The following ZNF44 variants were observed in gnomAD, a reference collection of about 807,000 sequenced individuals.
ZNF44 encodes the protein zinc finger protein 44, also known as gonadotropin inducible transcription repressor-2.
A neutral mutation model predicts 11.7 loss-of-function variants in ZNF44; 9 were observed. The ratio of observed to expected loss-of-function variants is 0.77; its 90% CI spans 0.46 to 1.35. ZNF44 has a LOEUF of 1.35. Among genes scored for constraint, ZNF44 ranks in the 40% most tolerant of loss-of-function variants. The pLI is 0.00. For synonymous variants in ZNF44, 224 were observed against 242.7 expected (o/e 0.92, Z 0.72); for missense variants, 696 against 743.1 (o/e 0.94, Z 0.74).
chr19:12,269,964 G>A (rs1966899647), downstream of ZNF44, among the ~76,000 whole-genome samples: 1 of 152,176 alleles, frequency 6.6e-6, no homozygotes, highest in South Asian at 2.1e-4. Context: ...TAAGTCAATA[G>A]TATATGCTAT....
At chr19:12,260,342 TGCCAC>T (rs1917453409) in intron 5 of ZNF44, 1 of 1,008,856 alleles carries the variant, frequency 9.9e-7, no homozygotes, top group African/African-American at 1.6e-5. Context: ...AGCCGAAGCC[TGCCAC>T]CTCCTACGCG....
chr19:12,231,087 C>G (rs1445921812), intron 2 of ZNF44, among the ~76,000 whole-genome samples: 1 of 152,132 alleles, frequency 6.6e-6, no homozygotes, highest in Non-Finnish European at 1.5e-5. Context: ...AAATGAGGTG[C>G]TTGTCCACGA....
intron 5 of ZNF44, among the ~76,000 whole-genome samples, chr19:12,265,123 T>C (rs1464412637): frequency 6.6e-6 from 1 of 152,084 alleles, no homozygotes; most frequent in Non-Finnish European, 1.5e-5. Flanking sequence ...AAAAAGGGGT[T>C]AAAATAATAT....
chr19:12,252,732 TAA>T (rs546990834), intron 5 of ZNF44, among the ~76,000 whole-genome samples: 30 of 140,320 alleles, frequency 2.1e-4, no homozygotes, highest in African/African-American at 7.6e-4. Context: ...TAAAATAGTG[TAA>T]AAAAAAAAAG....
intron 1 of ZNF44, among the ~76,000 whole-genome samples, chr19:12,283,424 G>C (rs1429205362): frequency 6.6e-6 from 1 of 152,100 alleles, no homozygotes; most frequent in Non-Finnish European, 1.5e-5. Context: ...CGCCTCCCGA[G>C]TTCATGCCAT....
At chr19:12,293,278 G>C in intron 1 of ZNF44, 1 of 1,536,994 alleles carries the variant, frequency 6.5e-7, no homozygotes, top group Non-Finnish European at 8.7e-7. Context: ...CTGTCCTCTG[G>C]GAAGAGTGAC....
chr19:12,243,126 G>A (rs143572217), downstream of ZNF44, among the ~76,000 whole-genome samples: 497 of 152,280 alleles, frequency 3.3e-3, 5 homozygotes, highest in Non-Finnish European at 3.2e-3. Context: ...TCCAACAGGC[G>A]TAGATTCAGT....
At chr19:12,288,797 T>C (rs1229324698) in intron 1 of ZNF44, among the ~76,000 whole-genome samples, 1 of 134,768 alleles carries the variant, frequency 7.4e-6, no homozygotes, top group Non-Finnish European at 1.5e-5. Flanking sequence ...TATATATATA[T>C]ATATATATGA....
At chr19:12,245,090 A>T (rs74447867), downstream of ZNF44, among the ~76,000 whole-genome samples, 2,814 of 152,316 alleles carry the variant, frequency 0.018, 97 homozygotes, top group African/African-American at 0.063. Flanking sequence ...TCATGAGAAA[A>T]ATTGTGACCA....
Position 12,250,099 on chromosome 19 carries a change from G to C in ZNF44, c.*126-61C>G. Reference sequence around the variant, plus strand: ...ATTAGAAATTACAGAAAAATTATTAGATTCTAGGTCCATATGTGACCATGC... The same window carrying C: ...ATTAGAAATTACAGAAAAATTATTACATTCTAGGTCCATATGTGACCATGC... On this transcript the variant is annotated intron_variant and NMD_transcript_variant, in intron 6 of 7. Coordinates refer to the ZNF44 transcript ENST00000393337. 2.4e-6 allele frequency: 3 copies of C among 1,251,424 alleles called. No individual in the cohort carries two copies. In the South Asian group the frequency reaches 4.0e-5, roughly 17 times the overall value. 77.5% of individuals were successfully genotyped at this position (1,251,424 alleles called of 1,614,324 possible).
At chr19:12,277,819 G>A (rs1472368828) in intron 1 of ZNF44, among the ~76,000 whole-genome samples, 3 of 152,134 alleles carry the variant, frequency 2.0e-5, no homozygotes, top group African/African-American at 2.4e-5. Flanking sequence ...GGGACTAACC[G>A]AAGGTCTGAA....
chr19:12,284,497 C>T, intron 1 of ZNF44: 1 of 673,872 alleles, frequency 1.5e-6, no homozygotes, highest in South Asian at 1.4e-5. Context: ...ATGCCCGTTA[C>T]CAAGCTGGGC....
chr19:12,294,583 C>T (rs1968166227), intron 1 of ZNF44, 109 bp downstream of exon 1: 1 of 1,463,446 alleles, frequency 6.8e-7, no homozygotes, highest in Non-Finnish European at 9.2e-7. Flanking sequence ...CGCTCAGGTC[C>T]CAGACCCCAA....
intron 1 of ZNF44, among the ~76,000 whole-genome samples, chr19:12,290,744 A>G (rs1273870852): frequency 1.3e-5 from 2 of 152,028 alleles, no homozygotes; most frequent in Non-Finnish European, 2.9e-5. Context: ...ATAAATTTTA[A>G]AAAAAGCTCC....
At chr19:12,284,538 C>T (rs1967640972) in intron 1 of ZNF44, 1 of 703,172 alleles carries the variant, frequency 1.4e-6, no homozygotes, top group Non-Finnish European at 2.6e-6. Flanking sequence ...GATCTAGTCC[C>T]TGGAGGAGAT....
chr19:12,241,274 A>C (rs1803193900), upstream of ZNF44, among the ~76,000 whole-genome samples: 1 of 152,238 alleles, frequency 6.6e-6, no homozygotes, highest in Admixed American at 6.5e-5. Flanking sequence ...GCATGCATAG[A>C]AACTGCAGTC....
chr19:12,273,137 A>G lies in ZNF44; in HGVS notation c.1118T>C (p.Leu373Ser), dbSNP rs1331414064. Residue 373 changes from leucine (L) to serine (S), a missense_variant, in exon 4 of 4, where the codon TTG becomes TCG. By Grantham distance (145) the Leu-to-Ser change is moderately radical. Transcript: ENST00000355684. ...TCGAAAGCTTGAGCGATGAGATAAC[A>G]ATTTCCCACATTGCTTACATTCATA... ...KPYECKQCGK[L>S]LSHRSSFRRH... 20 of 1,613,506 alleles carry G rather than the reference A, an allele frequency of 1.2e-5. No individual in the cohort carries two copies. In the South Asian group the frequency reaches 2.0e-4, roughly 16 times the overall value.
At chr19:12,250,097 T>C (rs1372586765) in intron 6 of ZNF44, 44 of 1,252,640 alleles carry the variant, frequency 3.5e-5, no homozygotes, top group Non-Finnish European at 4.4e-5. Context: ...GAAAAATTAT[T>C]AGATTCTAGG....
chr19:12,224,714 A>C (rs1213103082), downstream of ZNF44: 1 of 152,296 alleles, frequency 6.6e-6, no homozygotes, highest in South Asian at 2.1e-4. Flanking sequence ...TTTATTATAG[A>C]AAAGACCTGA....
Sources: gnomAD v4.1 joint callset for allele counts (sites outside exome capture counted in the v4.1 genomes callset) on GRCh38, gnomAD v4.1.1 for gene constraint, MANE v1.5 for transcripts, NCBI Gene and HGNC (gene_info 2026-07-23, HGNC 2026-07-21) for gene names.